The following KCNJ6 variants were observed in gnomAD, a reference collection of about 807,000 sequenced individuals.
KCNJ6 encodes the protein G protein-activated inward rectifier potassium channel 2.
KCNJ6 carries 9 observed loss-of-function variants against 34.2 expected under a neutral mutation model. That is an observed-to-expected ratio of 0.26 (90% CI 0.16 to 0.46). The LOEUF is 0.46. Among genes scored for constraint, KCNJ6 ranks in the 20% least tolerant of loss-of-function variants. The probability of loss-of-function intolerance (pLI) is 1.00; values close to 1 mark genes in which losing one functional copy is unlikely to be tolerated. For synonymous variants in KCNJ6, 196 were observed against 207.1 expected, an observed-to-expected ratio of 0.95 and a Z score of 0.46; for missense variants, 236 against 531.3, an observed-to-expected ratio of 0.44 and a Z score of 5.46.
rs2055070563 is a variant in KCNJ6, at chr21:37,762,485, A to G, written c.26-47354T>C. Among the ~76,000 whole-genome samples the G allele has an allele frequency of 2.0e-5, 3 of 152,204 alleles. No individual in the cohort carries two copies. The South Asian group carries it at 6.2e-4, about 31-fold the overall frequency. On this transcript the variant is annotated intron_variant, in intron 2 of 3. Coordinates refer to ENST00000609713, the MANE Select transcript of KCNJ6 (RefSeq NM_002240.5). ...TGGCTGGGCAGGAGCCACAGGAAGA[A>G]ATCCACAGGTGCTGGCCATGTGGAA...
At chr21:37,863,886 GAGA>G (rs2055608566) in intron 1 of KCNJ6, among the ~76,000 whole-genome samples, 2 of 86,902 alleles carry the variant, frequency 2.3e-5, no homozygotes, top group Non-Finnish European at 4.7e-5. Flanking sequence ...GGTGAAGAGA[GAGA>G]AGGTGAGCTT....
At chr21:37,691,143 G>A (rs2054637811) in intron 3 of KCNJ6, among the ~76,000 whole-genome samples, 1 of 152,214 alleles carries the variant, frequency 6.6e-6, no homozygotes, top group African/African-American at 2.4e-5. Flanking sequence ...AATAAGGACA[G>A]AGACAGATAA....
intron 3 of KCNJ6, among the ~76,000 whole-genome samples, chr21:37,636,896 AT>A (rs2054360475): frequency 6.6e-6 from 1 of 152,236 alleles, no homozygotes; most frequent in Non-Finnish European, 1.5e-5. Context: ...GGAGGATATG[AT>A]TCCAATAAAA....
At chr21:37,859,490 T>TATATAC (rs2055582556) in intron 1 of KCNJ6, among the ~76,000 whole-genome samples, 1 of 7,828 alleles carries the variant, frequency 1.3e-4, no homozygotes, top group Non-Finnish European at 2.3e-4. Context: ...TATTACTTTA[T>TATATAC]ATATATATAT....
chr21:37,682,559 CTCTTA>C (rs1649717601), intron 3 of KCNJ6, among the ~76,000 whole-genome samples: 2 of 151,950 alleles, frequency 1.3e-5, no homozygotes, highest in African/African-American at 4.8e-5. Context: ...TTCTGTGTGT[CTCTTA>C]TAAGGGCAAT....
intron 2 of KCNJ6, among the ~76,000 whole-genome samples, chr21:37,796,200 A>T (rs1035986091): frequency 2.0e-5 from 3 of 152,138 alleles, no homozygotes; most frequent in Non-Finnish European, 4.4e-5. Flanking sequence ...AAAGGCGAGG[A>T]CGATGCCAAG....
At position 37,914,469 on chromosome 21, in the gene KCNJ6, C is replaced by T. The variant is rs111515687; in HGVS notation, c.-28+1415G>A. On this transcript the variant is annotated intron_variant, in intron 1 of 3. Transcript: ENST00000609713. ...GCACCCGGCCAGCTCTGGGCGCCCT[C>T]TCGAGCGTCGCCGTCAGGGAGTTGG... 4.1e-3 allele frequency among the ~76,000 whole-genome samples: 626 copies of T among 152,290 alleles called. 8 individuals carry two copies. Among genetic ancestry groups the T allele is most frequent in the African/African-American group, 0.014 (597 of 41,576 alleles).
intron 1 of KCNJ6, among the ~76,000 whole-genome samples, chr21:37,883,002 CTGTG>C (rs762005177): frequency 6.6e-6 from 1 of 152,128 alleles, no homozygotes; most frequent in Non-Finnish European, 1.5e-5. Context: ...GCTCATGTGC[CTGTG>C]TGTTTGTATG....
At chr21:37,634,695 TACC>T (rs1382789136) in intron 3 of KCNJ6, among the ~76,000 whole-genome samples, 2 of 152,100 alleles carry the variant, frequency 1.3e-5, no homozygotes, top group African/African-American at 4.8e-5. Flanking sequence ...TTTAAAAATA[TACC>T]ACTTTTATGA....
rs533131737 is a variant in KCNJ6, at chr21:37,890,390, C to T, written c.-28+25494G>A. Reference sequence around the variant, plus strand: ...AGTGGGGATTACGGGGACTACAATTCGAGGTGAGATTTGGGTGGGAACACA... The same window carrying T: ...AGTGGGGATTACGGGGACTACAATTTGAGGTGAGATTTGGGTGGGAACACA... On this transcript the variant is annotated intron_variant, in intron 1 of 3. Coordinates refer to ENST00000609713, the MANE Select transcript of KCNJ6 (RefSeq NM_002240.5). 1.8e-4 allele frequency among the ~76,000 whole-genome samples: 28 copies of T among 152,284 alleles called. No homozygotes were observed. The South Asian group carries it at 5.2e-3, about 28-fold the overall frequency.
chr21:37,727,306 G>T (rs188158764), intron 2 of KCNJ6, among the ~76,000 whole-genome samples: 1 of 152,286 alleles, frequency 6.6e-6, no homozygotes, highest in African/African-American at 2.4e-5. Flanking sequence ...GGTGACTTTG[G>T]TGATGGTGGT....
chr21:37,880,202 A>T (rs1257074034), intron 1 of KCNJ6, among the ~76,000 whole-genome samples: 2 of 152,110 alleles, frequency 1.3e-5, no homozygotes, highest in South Asian at 2.1e-4. Context: ...GCTTGAACCC[A>T]GGAGGGAGAG....
chr21:37,722,118 ATGTACAAAAATCAG>A (rs906087868), intron 2 of KCNJ6, among the ~76,000 whole-genome samples: 12 of 104,990 alleles, frequency 1.1e-4, no homozygotes, highest in Admixed American at 1.8e-4. Flanking sequence ...GCAAAAATCA[ATGTACAAAAATCAG>A]TGTCATTTCT....
At chr21:37,832,208 C>T (rs992226570) in intron 2 of KCNJ6, among the ~76,000 whole-genome samples, 3 of 149,114 alleles carry the variant, frequency 2.0e-5, no homozygotes, top group Non-Finnish European at 2.9e-5. Context: ...GCTATAACTA[C>T]CTGTGTGAGT....
chr21:37,858,412 A>G (rs1282016388), intron 1 of KCNJ6, among the ~76,000 whole-genome samples: 1 of 150,918 alleles, frequency 6.6e-6, no homozygotes, highest in African/African-American at 2.4e-5. Context: ...AAAAAAAAAA[A>G]AAAAAGAAAG....
chr21:37,902,110 C>T (rs2055819692), intron 1 of KCNJ6, among the ~76,000 whole-genome samples: 1 of 152,244 alleles, frequency 6.6e-6, no homozygotes, highest in Admixed American at 6.5e-5. Context: ...TGATTATGCC[C>T]AAGGGCATGA....
At chr21:37,903,467 T>A (rs2055826373) in intron 1 of KCNJ6, among the ~76,000 whole-genome samples, 2 of 152,246 alleles carry the variant, frequency 1.3e-5, no homozygotes, top group South Asian at 4.1e-4. Flanking sequence ...TATGTCTTTG[T>A]TAGCAGCATG....
chr21:37,901,714 G>A (rs548311514), intron 1 of KCNJ6, among the ~76,000 whole-genome samples: 2 of 152,328 alleles, frequency 1.3e-5, no homozygotes, highest in Admixed American at 6.5e-5. Flanking sequence ...GCTGGACACA[G>A]TTCAGTCTTT....
intron 2 of KCNJ6, among the ~76,000 whole-genome samples, chr21:37,815,663 C>A (rs1352332558): frequency 6.6e-6 from 1 of 152,148 alleles, no homozygotes; most frequent in Non-Finnish European, 1.5e-5. Context: ...ACAAGGTGGT[C>A]TATGGAACAG....
Sources: gnomAD v4.1 joint callset for allele counts (sites outside exome capture counted in the v4.1 genomes callset) on GRCh38, gnomAD v4.1.1 for gene constraint, MANE v1.5 for transcripts, NCBI Gene and HGNC (gene_info 2026-07-23, HGNC 2026-07-21) for gene names.